Variants in DDX46 observed in about 807,000 individuals in gnomAD.
DDX46 encodes DEAD-box helicase 46.
DDX46 carries 30 observed loss-of-function variants against 134.9 expected under a neutral mutation model. The observed-to-expected ratio is 0.22, with a 90% confidence interval of 0.17 to 0.30. The LOEUF is 0.30. Among genes scored for constraint, DDX46 ranks in the 10% least tolerant of loss-of-function variants. The pLI is 1.00. For synonymous variants in DDX46, 415 were observed against 404.1 expected (o/e 1.03, Z -0.32); for missense variants, 622 against 1,248.7 (o/e 0.50, Z 7.56).
intron 5 of DDX46, among the ~76,000 whole-genome samples, chr5:134,774,204 A>G (rs1040210452): frequency 5.3e-5 from 8 of 152,204 alleles, no homozygotes; most frequent in African/African-American, 1.9e-4. Flanking sequence ...GTGGAATCAT[A>G]ATACATATTT....
At chr5:134,809,851 TA>T (rs1755091964) in intron 16 of DDX46, among the ~76,000 whole-genome samples, 1 of 151,504 alleles carries the variant, frequency 6.6e-6, no homozygotes, top group South Asian at 2.1e-4. Flanking sequence ...TCTACTAAAA[TA>T]AAAATAAAAA....
chr5:134,781,538 C>A (rs1015911355), intron 7 of DDX46, among the ~76,000 whole-genome samples: 5 of 151,882 alleles, frequency 3.3e-5, no homozygotes, highest in Non-Finnish European at 5.9e-5. Context: ...ATTTTCTTTC[C>A]ATTAACACGT....
At chr5:134,774,614 C>A (rs919054682) in intron 5 of DDX46, among the ~76,000 whole-genome samples, 1 of 152,158 alleles carries the variant, frequency 6.6e-6, no homozygotes. Context: ...GTAAATAGTT[C>A]TTTAATATAT....
At chr5:134,776,896 A>G (rs1298836636) in intron 5 of DDX46, among the ~76,000 whole-genome samples, 1 of 142,668 alleles carries the variant, frequency 7.0e-6, no homozygotes, top group South Asian at 2.3e-4. Context: ...CCTGGGCAAC[A>G]GAGCGAGACT....
intron 4 of DDX46, among the ~76,000 whole-genome samples, chr5:134,772,399 G>A (rs562460206): frequency 4.4e-4 from 67 of 152,070 alleles, no homozygotes; most frequent in Admixed American, 7.2e-4. Flanking sequence ...GTATGTGCCT[G>A]TAATCCCAGC....
Position 134,828,722 on chromosome 5 carries a change from AT to A in DDX46, c.*21del, listed in dbSNP as rs772344628. The A allele has an allele frequency of 2.7e-6, 4 of 1,494,358 alleles. No individual in the cohort carries two copies. The highest frequency in any genetic ancestry group is 2.7e-6 in the Non-Finnish European group (3 of 1,124,210). The allele number at this position is 1,494,358 out of a possible 1,614,324, so 92.6% of individuals were successfully genotyped here. A position where few individuals can be genotyped will look rare whatever the true frequency, so the allele number is the denominator to read the frequency against. ...AGTCTTATAGACATCCGGAAAAAAGATTTTTACCTGTGCTGGTCTATGATGT... is the reference window on the plus strand; with the variant it reads ...AGTCTTATAGACATCCGGAAAAAAGATTTTACCTGTGCTGGTCTATGATGT... On this transcript the variant is annotated 3_prime_UTR_variant, in exon 23 of 23. Coordinates refer to ENST00000452510, the MANE Select transcript of DDX46 (RefSeq NM_001300860.2).
chr5:134,795,902 T>C, intron 14 of DDX46, 86 bp from the exon 15 acceptor site: 2 of 1,212,206 alleles, frequency 1.6e-6, no homozygotes, highest in Non-Finnish European at 1.2e-6. Context: ...TTGTCATTCA[T>C]TCACTACAAA....
chr5:134,784,286 T>C (rs1464223427), intron 9 of DDX46, 80 bp from the exon 10 acceptor site: 1 of 1,458,900 alleles, frequency 6.9e-7, no homozygotes, highest in African/African-American at 1.4e-5. Flanking sequence ...GGAAGTTCAT[T>C]TTTATGGGAA....
intron 15 of DDX46, among the ~76,000 whole-genome samples, chr5:134,804,279 C>T (rs1161256160): frequency 6.6e-6 from 1 of 152,054 alleles, no homozygotes; most frequent in Non-Finnish European, 1.5e-5. Flanking sequence ...TGTTATTTGC[C>T]TTTTTCTCAT....
At chr5:134,821,042 T>G (rs563323296) in intron 21 of DDX46, among the ~76,000 whole-genome samples, 9 of 150,470 alleles carry the variant, frequency 6.0e-5, no homozygotes, top group African/African-American at 1.9e-4. Context: ...AATTTTCGTT[T>G]TTTTTTTTTT....
At chr5:134,810,594 T>C (rs1029736497) in intron 16 of DDX46, among the ~76,000 whole-genome samples, 1 of 151,584 alleles carries the variant, frequency 6.6e-6, no homozygotes, top group African/African-American at 2.4e-5. Context: ...CCACCCCCCC[T>C]TGGCCTCCCA....
chr5:134,769,990 C>G (rs1682404923), intron 3 of DDX46, among the ~76,000 whole-genome samples: 1 of 151,992 alleles, frequency 6.6e-6, no homozygotes, highest in Admixed American at 6.6e-5. Context: ...AATATGAAAA[C>G]ACAGTTGACT....
rs118102165 is a variant in DDX46 at position 134,803,581 on chromosome 5, G to A, written c.1955-4167G>A. Among the ~76,000 whole-genome samples the A allele has an allele frequency of 8.5e-3, 1,294 of 152,266 alleles. 6 individuals carry two copies. Among genetic ancestry groups the A allele is most frequent in the Middle Eastern group, 0.041 (12 of 294 alleles). On this transcript the variant is annotated intron_variant, in intron 15 of 22. Coordinates refer to ENST00000452510, the MANE Select transcript of DDX46 (RefSeq NM_001300860.2). Reference sequence around the variant, plus strand: ...CAAAGAGTTTGAAATAAATAAGTAAGTAAATAGAATCCTCTACACTTTGCC... The same window carrying A: ...CAAAGAGTTTGAAATAAATAAGTAAATAAATAGAATCCTCTACACTTTGCC...
intron 4 of DDX46, 72 bp downstream of exon 4, chr5:134,771,071 CTCTTTCTTTCTTTCTT>C: frequency 1.6e-6 from 1 of 618,714 alleles, no homozygotes; most frequent in Non-Finnish European, 2.7e-6. Flanking sequence ...CTTTCTTTCC[CTCTTTCTTTCTTTCTT>C]TCTCTTTCTT....
chr5:134,771,146 CTG>C, intron 4 of DDX46, 147 bp downstream of exon 4: 1 of 537,732 alleles, frequency 1.9e-6, no homozygotes, highest in Non-Finnish European at 3.3e-6. Context: ...CTGTCTGTCT[CTG>C]TTGCCCAGGC....
intron 15 of DDX46, among the ~76,000 whole-genome samples, chr5:134,801,905 C>G (rs1264991757): frequency 1.3e-5 from 2 of 152,200 alleles, no homozygotes; most frequent in East Asian, 3.9e-4. Context: ...ATTGCTACAT[C>G]ATATGGTGAC....
intron 5 of DDX46, 22 bp from the exon 6 acceptor site, chr5:134,777,551 GA>G: frequency 6.2e-7 from 1 of 1,610,322 alleles, no homozygotes; most frequent in Non-Finnish European, 8.5e-7. Flanking sequence ...GATGTTTAAA[GA>G]ATGTGTATTC....
chr5:134,790,850 T>A (rs1298478110), intron 13 of DDX46, among the ~76,000 whole-genome samples: 1 of 151,478 alleles, frequency 6.6e-6, no homozygotes, highest in Non-Finnish European at 1.5e-5. Context: ...TCAGATGGAG[T>A]CTTGCTCTGT....
intron 13 of DDX46, among the ~76,000 whole-genome samples, chr5:134,792,064 C>T (rs1017940710): frequency 6.6e-5 from 10 of 152,094 alleles, no homozygotes; most frequent in African/African-American, 2.2e-4. Context: ...GTAATCCCAG[C>T]TACTTGGGAG....
Sources: gnomAD v4.1 joint callset for allele counts (sites outside exome capture counted in the v4.1 genomes callset) on GRCh38, gnomAD v4.1.1 for gene constraint, MANE v1.5 for transcripts, NCBI Gene and HGNC (gene_info 2026-07-23, HGNC 2026-07-21) for gene names.